The following RNF144B variants were observed in gnomAD, a reference collection of about 807,000 sequenced individuals.
RNF144B encodes the protein E3 ubiquitin-protein ligase RNF144B.
Under a neutral mutation model 40.2 loss-of-function variants are expected in RNF144B, and 25 were observed. That is an observed-to-expected ratio of 0.62 (90% CI 0.45 to 0.87). The LOEUF (loss-of-function observed/expected upper bound fraction) is 0.87. Ranked by LOEUF, RNF144B falls within the 40% of genes least tolerant of loss-of-function variation. RNF144B has a pLI of 0.00. For synonymous variants in RNF144B, 145 were observed against 136.3 expected, an observed-to-expected ratio of 1.06 and a Z score of -0.44; for missense variants, 365 against 373.7, an observed-to-expected ratio of 0.98 and a Z score of 0.19.
intron 4 of RNF144B, among the ~76,000 whole-genome samples, chr6:18,449,653 A>C (rs10456825): frequency 0.12 from 18,565 of 151,466 alleles, 1,298 homozygotes; most frequent in Admixed American, 0.19. Context: ...TTAAAAATTG[A>C]CAGATAAAAT....
At chr6:18,462,275 C>T (rs1013714593) in intron 6 of RNF144B, among the ~76,000 whole-genome samples, 1 of 152,192 alleles carries the variant, frequency 6.6e-6, no homozygotes, top group African/African-American at 2.4e-5. Flanking sequence ...GTACCTCTTT[C>T]CCAGATTTTG....
chr6:18,427,970 T>C (rs1758602312), intron 3 of RNF144B, among the ~76,000 whole-genome samples: 1 of 152,202 alleles, frequency 6.6e-6, no homozygotes, highest in Non-Finnish European at 1.5e-5. Flanking sequence ...AGGAGGCTGA[T>C]ATGATTTGGC....
chr6:18,397,758 C>T (rs1311033017), intron 1 of RNF144B, among the ~76,000 whole-genome samples: 1 of 151,992 alleles, frequency 6.6e-6, no homozygotes, highest in Non-Finnish European at 1.5e-5. Flanking sequence ...TCTGCTTCGT[C>T]TGTCCATGTG....
chr6:18,459,881 T>C lies in RNF144B; in HGVS notation c.681+130T>C, dbSNP rs986981179. ...TGCAAAAGGAATTTATTTTTCTTAA[T>C]GAGACTTACTAAGCCTGATACTTTA... On this transcript the variant is annotated intron_variant, in intron 6 of 7. Coordinates refer to ENST00000259939, the MANE Select transcript of RNF144B (RefSeq NM_182757.4). The surrounding 1 kb of genome is among the most constrained non-coding windows in gnomAD (Gnocchi z 4.2). The C allele has an allele frequency of 2.4e-6, 2 of 829,180 alleles. No individual in the cohort carries two copies. Among genetic ancestry groups the C allele is most frequent in the Non-Finnish European group, 3.8e-6 (2 of 521,554 alleles). 51.4% of individuals were successfully genotyped at this position (829,180 alleles called of 1,614,324 possible). A position where few individuals can be genotyped will look rare whatever the true frequency, so the allele number is the denominator to read the frequency against.
rs1309928682 is a variant in RNF144B at position 18,450,547 on chromosome 6, C to T, written c.332-6608C>T. ...CTCCTGACCTCAGGTGATCCACCCA[C>T]CTCGGCCTCCCAAAGTGCTAGGATT... is the stretch of plus-strand genomic sequence containing the variant. On this transcript the variant is annotated intron_variant, in intron 4 of 7. Coordinates refer to ENST00000259939, the MANE Select transcript of RNF144B (RefSeq NM_182757.4). This position sits in a 1 kb window ranked among gnomAD's most constrained non-coding sequence, Gnocchi z 4.7. Among the ~76,000 whole-genome samples the T allele has an allele frequency of 2.0e-5, 3 of 152,118 alleles. No individual in the cohort carries two copies. The highest frequency in any genetic ancestry group is 6.5e-5 in the Admixed American group (1 of 15,274).
chr6:18,427,532 C>A (rs1365820897), intron 2 of RNF144B, 49 bp from the exon 3 acceptor site: 1 of 1,305,004 alleles, frequency 7.7e-7, no homozygotes, highest in East Asian at 2.3e-5. Context: ...TGTAACCTTT[C>A]TGCTACTGTA....
chr6:18,395,328 C>A lies in RNF144B; in HGVS notation c.-36-4171C>A, dbSNP rs1466516811. On this transcript the variant is annotated intron_variant, in intron 1 of 7. Transcript: ENST00000259939. This position sits in a 1 kb window ranked among gnomAD's most constrained non-coding sequence, Gnocchi z 4.5. ...TGAAGTTGTGGCCCAATGGGAGGGA[C>A]AGGAGGAGCTGGGAGTGTGTTATCA... is the stretch of plus-strand genomic sequence containing the variant. Among the ~76,000 whole-genome samples, 1 of 152,100 alleles carries A rather than the reference C, an allele frequency of 6.6e-6. No homozygotes were observed. The highest frequency in any genetic ancestry group is 1.5e-5 in the Non-Finnish European group (1 of 68,026).
intron 2 of RNF144B, among the ~76,000 whole-genome samples, chr6:18,420,937 A>G (rs1451607325): frequency 6.6e-6 from 1 of 152,166 alleles, no homozygotes; most frequent in South Asian, 2.1e-4. Context: ...CAATAATTAT[A>G]CAAACTTAAT....
intron 4 of RNF144B, among the ~76,000 whole-genome samples, chr6:18,453,190 G>A (rs1759250706): frequency 7.0e-6 from 1 of 143,644 alleles, no homozygotes; most frequent in Non-Finnish European, 1.5e-5. Flanking sequence ...CCAGGCTGGA[G>A]TACAGTGGCA....
intron 2 of RNF144B, among the ~76,000 whole-genome samples, chr6:18,417,153 A>T (rs1795160500): frequency 6.6e-6 from 1 of 152,176 alleles, no homozygotes; most frequent in African/African-American, 2.4e-5. Flanking sequence ...AGACTTGTTA[A>T]GGTGGCAGTA....
At position 18,457,429 on chromosome 6, in the gene RNF144B, A is replaced by G. The variant is rs1759355254; in HGVS notation, c.536+70A>G. ...TAGAAATTCAACATACCTTACGTGT[A>G]GAAGGAGTTACGTTGTGATGGCGTT... On this transcript the variant is annotated intron_variant, in intron 5 of 7. Transcript: ENST00000259939. The surrounding 1 kb of genome is among the most constrained non-coding windows in gnomAD (Gnocchi z 5.1). 1 of 1,165,848 alleles carries G rather than the reference A, an allele frequency of 8.6e-7. No homozygotes were observed. Among genetic ancestry groups the G allele is most frequent in the Non-Finnish European group, 1.3e-6 (1 of 773,098 alleles). 72.2% of individuals were successfully genotyped at this position (1,165,848 alleles called of 1,614,324 possible).
chr6:18,400,047 G>A lies in RNF144B; in HGVS notation c.165+348G>A, dbSNP rs543392861. ...AGCACTTTGGGAGGCCGAGGCGGGC[G>A]GATCACAAGGTCAGAAGATCGAGAC... is the stretch of plus-strand genomic sequence containing the variant. On this transcript the variant is annotated intron_variant, in intron 2 of 7. Coordinates refer to ENST00000259939, the MANE Select transcript of RNF144B (RefSeq NM_182757.4). The surrounding 1 kb of genome is among the most constrained non-coding windows in gnomAD (Gnocchi z 5.6). Among the ~76,000 whole-genome samples, 13 of 152,174 alleles carry A rather than the reference G, an allele frequency of 8.5e-5. No homozygotes were observed. In the South Asian group the frequency reaches 1.5e-3, roughly 17 times the overall value.
Position 18,444,864 on chromosome 6 carries a change from C to A in RNF144B, c.331+5120C>A, listed in dbSNP as rs566221846. Among the ~76,000 whole-genome samples the A allele has an allele frequency of 1.3e-5, 2 of 152,236 alleles. No individual in the cohort carries two copies. Among genetic ancestry groups the A allele is most frequent in the Non-Finnish European group, 2.9e-5 (2 of 68,012 alleles). On this transcript the variant is annotated intron_variant, in intron 4 of 7. Coordinates refer to ENST00000259939, the MANE Select transcript of RNF144B (RefSeq NM_182757.4). The surrounding 1 kb of genome is among the most constrained non-coding windows in gnomAD (Gnocchi z 4.3). The stretch of plus-strand genomic sequence containing the variant: ...TTTTGTTCTCAGCATTCTCCTCAAG[C>A]CTCCTTTCATTTCATGTCTTCACAT...
chr6:18,387,661 G>A (rs1162661412), intron 1 of RNF144B, 31 bp downstream of exon 1: 1 of 1,288,602 alleles, frequency 7.8e-7, no homozygotes, highest in South Asian at 1.2e-5. Flanking sequence ...AAAGGCTACA[G>A]GCGTTGCAAG....
Position 18,389,871 on chromosome 6 carries a change from A to G in RNF144B, c.-37+2241A>G, listed in dbSNP as rs563102796. On this transcript the variant is annotated intron_variant, in intron 1 of 7. Transcript: ENST00000259939. ...CAGGGGTGCCTACCTTAATTTATAG[A>G]AGCTCCTTACCTGAAACAAATGGTC... 1.6e-4 allele frequency among the ~76,000 whole-genome samples: 25 copies of G among 152,282 alleles called. No homozygotes were observed. The South Asian group carries it at 5.2e-3, about 32-fold the overall frequency.
chr6:18,457,053 T>C lies in RNF144B; in HGVS notation c.332-102T>C, dbSNP rs371088474. ...TCCAGCCTGGGCGACAGAGTGAGACTCTGGTTCCAAATAAATTAAATAAAT... is the reference window on the plus strand; with the variant it reads ...TCCAGCCTGGGCGACAGAGTGAGACCCTGGTTCCAAATAAATTAAATAAAT... On this transcript the variant is annotated intron_variant, in intron 4 of 7. Coordinates refer to ENST00000259939, the MANE Select transcript of RNF144B (RefSeq NM_182757.4). The surrounding 1 kb of genome is among the most constrained non-coding windows in gnomAD (Gnocchi z 5.1). 6.3e-5 allele frequency: 62 copies of C among 985,482 alleles called. No individual in the cohort carries two copies. In the African/African-American group the frequency reaches 8.8e-4, roughly 14 times the overall value. 61.0% of individuals were successfully genotyped at this position (985,482 alleles called of 1,614,324 possible).
rs1228527092 is a variant in RNF144B at position 18,395,544 on chromosome 6, G to GGTGA, written c.-36-3955_-36-3954insGTGA. On this transcript the variant is annotated intron_variant, in intron 1 of 7. Coordinates refer to ENST00000259939, the MANE Select transcript of RNF144B (RefSeq NM_182757.4). This position sits in a 1 kb window ranked among gnomAD's most constrained non-coding sequence, Gnocchi z 4.5. The stretch of plus-strand genomic sequence containing the variant: ...CTGATTGAAGAGCTCATTTTGCAAT[G>GGTGA]AATCAATGGTGAAAGGATTTCTTGT... Among the ~76,000 whole-genome samples, 1 of 151,884 alleles carries GGTGA rather than the reference G, an allele frequency of 6.6e-6. No homozygotes were observed. The highest frequency in any genetic ancestry group is 1.5e-5 in the Non-Finnish European group (1 of 67,976).
chr6:18,397,529 T>G (rs1794717525), intron 1 of RNF144B, among the ~76,000 whole-genome samples: 1 of 152,230 alleles, frequency 6.6e-6, no homozygotes, highest in African/African-American at 2.4e-5. Context: ...TCACAATTAT[T>G]TAGTCTCTTT....
Position 18,467,919 on chromosome 6 carries a change from G to T in RNF144B, c.*2852G>T, listed in dbSNP as rs1459048008. ...GGCTCCCAAAGTGTTGGGATTACAG[G>T]TGTGTGTCACTGTGCCTGACAGCTG... On this transcript the variant is annotated 3_prime_UTR_variant, in exon 8 of 8. Coordinates refer to ENST00000259939, the MANE Select transcript of RNF144B (RefSeq NM_182757.4). 6.6e-6 allele frequency: 1 copy of T among 152,224 alleles called. No homozygotes were observed. Among genetic ancestry groups the T allele is most frequent in the African/African-American group, 2.4e-5 (1 of 41,448 alleles). 9.4% of individuals were successfully genotyped at this position (152,224 alleles called of 1,614,324 possible).
Sources: allele counts gnomAD v4.1 joint callset (sites outside exome capture counted in the v4.1 genomes callset), GRCh38; gene constraint gnomAD v4.1.1; non-coding constraint Gnocchi (gnomAD v3.1); transcripts MANE v1.5; gene names NCBI Gene and HGNC (gene_info 2026-07-23, HGNC 2026-07-21).